The following TNFRSF1B variants were observed in gnomAD, a reference collection of about 807,000 sequenced individuals.
TNFRSF1B encodes TNF receptor superfamily member 1B, also known as tumor necrosis factor receptor superfamily member 1B.
A neutral mutation model predicts 44.6 loss-of-function variants in TNFRSF1B; 19 were observed. That is an observed-to-expected ratio of 0.43 (90% CI 0.30 to 0.62). TNFRSF1B has a LOEUF of 0.62. TNFRSF1B is among the 20% of genes least tolerant of loss of function. The pLI is 0.16. For missense variants in TNFRSF1B, 541 were observed against 619.9 expected (o/e 0.87, Z 1.35); for synonymous variants, 252 against 261.1 (o/e 0.97, Z 0.34).
At chr1:12,194,748 G>C in intron 8 of TNFRSF1B, 130 bp downstream of exon 8, 1 of 1,215,324 alleles carries the variant, frequency 8.2e-7, no homozygotes, top group Admixed American at 1.9e-5. Flanking sequence ...AGCCCTGGGA[G>C]GTGGAGGAAA....
chr1:12,205,553 G>T (rs1267213597), intron 9 of TNFRSF1B, among the ~76,000 whole-genome samples: 1 of 152,208 alleles, frequency 6.6e-6, no homozygotes, highest in Non-Finnish European at 1.5e-5. Flanking sequence ...ATCCAGATGG[G>T]AGTGAGGGGA....
At chr1:12,192,741 G>C in intron 5 of TNFRSF1B, 122 bp from the exon 6 acceptor site, 1 of 936,962 alleles carries the variant, frequency 1.1e-6, no homozygotes, top group Non-Finnish European at 1.6e-6. Flanking sequence ...GGAGGGGGTG[G>C]TCCTCAGAGA....
At chr1:12,184,180 GA>G (rs17880321) in intron 1 of TNFRSF1B, among the ~76,000 whole-genome samples, 3,383 of 152,290 alleles carry the variant, frequency 0.022, 45 homozygotes, top group Non-Finnish European at 0.035. Context: ...ATGTTTTGGG[GA>G]CCTCCTGGGG....
Position 12,191,764 on chromosome 1 carries a change from G to T in TNFRSF1B, c.308-10G>T. 1.2e-6 allele frequency: 2 copies of T among 1,613,142 alleles called. No homozygotes were observed. The highest frequency in any genetic ancestry group is 1.7e-6 in the Non-Finnish European group (2 of 1,179,688). Reference sequence around the variant, plus strand: ...AGGCGTGACCGTTTGCCGCCCTCTCGCTGCTCTAGACCAGGTGGAAACTCA... The same window carrying T: ...AGGCGTGACCGTTTGCCGCCCTCTCTCTGCTCTAGACCAGGTGGAAACTCA... On this transcript the variant is annotated splice_polypyrimidine_tract_variant and intron_variant, in intron 3 of 9. Coordinates refer to ENST00000376259, the MANE Select transcript of TNFRSF1B (RefSeq NM_001066.3).
At chr1:12,204,433 G>C (rs1639457617) in intron 9 of TNFRSF1B, among the ~76,000 whole-genome samples, 2 of 152,188 alleles carry the variant, frequency 1.3e-5, no homozygotes, top group African/African-American at 4.8e-5. Flanking sequence ...CAGGTTGCCA[G>C]CTCCATCCAC....
At chr1:12,167,972 G>A (rs973767960) in intron 1 of TNFRSF1B, among the ~76,000 whole-genome samples, 2 of 152,318 alleles carry the variant, frequency 1.3e-5, no homozygotes, top group African/African-American at 4.8e-5. Flanking sequence ...CCCTTTGCCT[G>A]TTTTTGACTG....
In TNFRSF1B at chr1:12,178,822, G is replaced by A. The variant is rs1638723907; in HGVS notation, c.79-9974G>A. On this transcript the variant is annotated intron_variant, in intron 1 of 9. Transcript: ENST00000376259. This position sits in a 1 kb window ranked among gnomAD's most constrained non-coding sequence, Gnocchi z 4.3. ...GGTGGGAGATGCTGGCAGGGGCTAA[G>A]GAGGTTGCGCAGGTGGTGGCAGCCG... Among the ~76,000 whole-genome samples the A allele has an allele frequency of 6.6e-6, 1 of 152,168 alleles. No individual in the cohort carries two copies. Among genetic ancestry groups the A allele is most frequent in the South Asian group, 2.1e-4 (1 of 4,832 alleles).
intron 1 of TNFRSF1B, among the ~76,000 whole-genome samples, chr1:12,188,188 T>C (rs1639028818): frequency 6.6e-6 from 1 of 152,104 alleles, no homozygotes. Context: ...ATCACATGAG[T>C]GTGTGTGTAC....
chr1:12,193,271 T>G (rs1226959091), intron 6 of TNFRSF1B, 173 bp downstream of exon 6: 4 of 716,888 alleles, frequency 5.6e-6, no homozygotes. Flanking sequence ...GTGCTATCAT[T>G]CAAAATCCCT....
At chr1:12,192,276 CTGTG>C (rs4044500) in intron 4 of TNFRSF1B, 151 bp from the exon 5 acceptor site, 99,934 of 684,664 alleles carry the variant, frequency 0.15, 2,130 homozygotes, top group Middle Eastern at 0.2. Flanking sequence ...GTACAGGCAT[CTGTG>C]TGTGTGTGTG....
intron 9 of TNFRSF1B, among the ~76,000 whole-genome samples, chr1:12,205,683 G>A (rs976597171): frequency 1.3e-5 from 2 of 152,168 alleles, no homozygotes; most frequent in Non-Finnish European, 2.9e-5. Flanking sequence ...GTGAAGTGAC[G>A]TGATTTCGGC....
intron 9 of TNFRSF1B, among the ~76,000 whole-genome samples, chr1:12,203,293 GA>G (rs1639430680): frequency 6.6e-6 from 1 of 152,188 alleles, no homozygotes; most frequent in African/African-American, 2.4e-5. Context: ...AGAGATGGGT[GA>G]CATTGTGCCC....
intron 8 of TNFRSF1B, among the ~76,000 whole-genome samples, chr1:12,201,669 G>A (rs1398197884): frequency 6.6e-6 from 1 of 152,124 alleles, no homozygotes; most frequent in Non-Finnish European, 1.5e-5. Context: ...GCAAAATAAG[G>A]ATGAAAATCC....
Position 12,206,843 on chromosome 1 carries a change from C to T in TNFRSF1B, c.1209C>T (p.Ser403=). The T allele has an allele frequency of 6.2e-7, 1 of 1,614,240 alleles. No individual in the cohort carries two copies. The highest frequency in any genetic ancestry group is 8.5e-7 in the Non-Finnish European group (1 of 1,180,036). The change falls in exon 10 of 10, where the codon TCC becomes TCT. Residue 403 remains serine, a synonymous_variant. Coordinates refer to ENST00000376259, the MANE Select transcript of TNFRSF1B (RefSeq NM_001066.3). ...CACAGTGCTCCTCCCAAGCCAGCTC[C>T]ACAATGGGAGACACAGATTCCAGCC... The part of the protein sequence containing the change: ...HSSQCSSQAS[S]TMGDTDSSPS...
At chr1:12,198,691 G>GTTTTTT (rs60313758) in intron 8 of TNFRSF1B, among the ~76,000 whole-genome samples, 15 of 85,630 alleles carry the variant, frequency 1.8e-4, no homozygotes, top group African/African-American at 7.0e-4. Context: ...CTGGAATTCT[G>GTTTTTT]TTTTTTTTTT....
At chr1:12,183,698 ATCTATCTATCTAT>A (rs1557628881) in intron 1 of TNFRSF1B, among the ~76,000 whole-genome samples, 1 of 105,760 alleles carries the variant, frequency 9.5e-6, no homozygotes, top group Non-Finnish European at 2.3e-5. Flanking sequence ...CTATCTATCT[ATCTATCTATCTAT>A]TCTATCTACC....
chr1:12,197,199 C>T (rs552548082), intron 8 of TNFRSF1B, among the ~76,000 whole-genome samples: 23 of 152,262 alleles, frequency 1.5e-4, no homozygotes, highest in Non-Finnish European at 2.5e-4. Flanking sequence ...CTGCCCACCT[C>T]GGTCTCCCAA....
rs538653610 is a variant in TNFRSF1B, at chr1:12,191,859, G to C, written c.393G>C (p.Gln131His). The change falls in exon 4 of 10, where the codon CAG becomes CAC. Residue 131 changes from glutamine to histidine, a missense_variant. By Grantham distance (24) the Gln-to-His change is conservative. Transcript: ENST00000376259. The part of the protein sequence containing the change: ...RPGWYCALSK[Q>H]EGCRLCAPLR... ...GCTGGTACTGCGCGCTGAGCAAGCA[G>C]GAGGGGTGCCGGCTGTGCGCGCCGC... The C allele has an allele frequency of 1.9e-6, 3 of 1,612,322 alleles. No homozygotes were observed. Among genetic ancestry groups the C allele is most frequent in the Admixed American group, 3.3e-5 (2 of 59,970 alleles).
intron 6 of TNFRSF1B, 127 bp from the exon 7 acceptor site, chr1:12,193,828 C>A (rs892383774): frequency 1.4e-6 from 1 of 693,992 alleles, no homozygotes; most frequent in Non-Finnish European, 2.6e-6. Flanking sequence ...ATTTGAGAAT[C>A]TCCGGCCTAG....
Sources: gnomAD v4.1 joint callset for allele counts (sites outside exome capture counted in the v4.1 genomes callset) on GRCh38, gnomAD v4.1.1 for gene constraint, Gnocchi (gnomAD v3.1) non-coding constraint, MANE v1.5 for transcripts, NCBI Gene and HGNC (gene_info 2026-07-23, HGNC 2026-07-21) for gene names.